Variants in CNKSR2 observed in about 807,000 individuals in gnomAD.
CNKSR2 encodes the protein connector enhancer of kinase suppressor of Ras 2, also known as CNK homolog protein 2.
In CNKSR2, 14 loss-of-function variants were observed where a neutral mutation model predicts 84.4. That is an observed-to-expected ratio of 0.17 (90% CI 0.11 to 0.26). The LOEUF is 0.26. Among genes scored for constraint, CNKSR2 ranks in the 10% least tolerant of loss-of-function variants. CNKSR2 has a pLI of 1.00. For synonymous variants in CNKSR2, 275 were observed against 277.9 expected (o/e 0.99, Z 0.10); for missense variants, 485 against 771.2 (o/e 0.63, Z 4.40).
intron 4 of CNKSR2, among the ~76,000 whole-genome samples, chrX:21,448,705 A>G (rs2090887080): frequency 9.0e-6 from 1 of 111,611 alleles, no homozygotes; most frequent in South Asian, 3.7e-4. Flanking sequence ...TCATAATATT[A>G]ATATTACTTT....
intron 1 of CNKSR2, among the ~76,000 whole-genome samples, chrX:21,396,305 G>C (rs1601732682): frequency 9.1e-6 from 1 of 109,396 alleles, no homozygotes; most frequent in African/African-American, 3.3e-5. Context: ...AATTGATATG[G>C]AGTATCTGAA....
intron 13 of CNKSR2, among the ~76,000 whole-genome samples, chrX:21,578,451 A>G (rs1426551292): frequency 9.1e-6 from 1 of 110,377 alleles, no homozygotes. Flanking sequence ...ATATATAGCT[A>G]TATAGGTCAG....
chrX:21,525,070 C>T (rs2147111327), intron 9 of CNKSR2, among the ~76,000 whole-genome samples: 1 of 111,134 alleles, frequency 9.0e-6, no homozygotes, highest in South Asian at 3.7e-4. Flanking sequence ...CCAAGATGTC[C>T]TGACAGAGAG....
At chrX:21,528,895 CT>C (rs2091859945) in intron 10 of CNKSR2, among the ~76,000 whole-genome samples, 3 of 111,076 alleles carry the variant, frequency 2.7e-5, no homozygotes, top group African/African-American at 9.8e-5. Flanking sequence ...ATATAAATGT[CT>C]GCATTTTCTG....
At chrX:21,555,404 TAAAGATCAG>T (rs2092131004) in intron 11 of CNKSR2, among the ~76,000 whole-genome samples, 1 of 111,921 alleles carries the variant, frequency 8.9e-6, no homozygotes, top group African/African-American at 3.2e-5. Flanking sequence ...AATATGCCTA[TAAAGATCAG>T]ATCGTTCATT....
chrX:21,617,894 GC>G (rs1346729795), intron 20 of CNKSR2, among the ~76,000 whole-genome samples: 71 of 82,629 alleles, frequency 8.6e-4, no homozygotes, highest in Middle Eastern at 6.8e-3. Context: ...CTCATACACT[GC>G]CCCCCCCACA....
At chrX:21,579,002 CAG>C (rs778483873) in intron 13 of CNKSR2, among the ~76,000 whole-genome samples, 3 of 111,834 alleles carry the variant, frequency 2.7e-5, no homozygotes, top group South Asian at 7.5e-4. Context: ...GTCCCATACT[CAG>C]GTGCTGAAGG....
At chrX:21,597,436 G>A (rs2092456570) in intron 17 of CNKSR2, among the ~76,000 whole-genome samples, 1 of 111,913 alleles carries the variant, frequency 8.9e-6, no homozygotes, top group Admixed American at 9.5e-5. Flanking sequence ...GCTGTTTTAT[G>A]TAAAGCCTGC....
At chrX:21,397,890 A>T (rs1210471680) in intron 1 of CNKSR2, among the ~76,000 whole-genome samples, 2 of 111,937 alleles carry the variant, frequency 1.8e-5, no homozygotes, top group African/African-American at 6.5e-5. Context: ...GTCAATTTAA[A>T]AAGTGCATTT....
At chrX:21,595,161 T>C in intron 16 of CNKSR2, 114 bp downstream of exon 16, 1 of 685,028 alleles carries the variant, frequency 1.5e-6, no homozygotes, top group Non-Finnish European at 2.2e-6. Context: ...AGAAAGCAGT[T>C]TTGTGGGCAG....
chrX:21,594,254 T>C (rs1272387896), intron 15 of CNKSR2: 1 of 111,156 alleles, frequency 9.0e-6, no homozygotes, highest in African/African-American at 3.3e-5. Context: ...CTCACTCATA[T>C]GTGAGAACTG....
At chrX:21,626,043 G>A (rs911614829) in intron 20 of CNKSR2, among the ~76,000 whole-genome samples, 1 of 111,283 alleles carries the variant, frequency 9.0e-6, no homozygotes, top group East Asian at 2.8e-4. Flanking sequence ...TTTAATGGGA[G>A]AGAAAAACAT....
chrX:21,618,875 A>G (rs984780261), intron 20 of CNKSR2, among the ~76,000 whole-genome samples: 1 of 112,107 alleles, frequency 8.9e-6, no homozygotes, highest in Non-Finnish European at 1.9e-5. Flanking sequence ...GTCTACTTAC[A>G]ACAGAAATGT....
intron 11 of CNKSR2, among the ~76,000 whole-genome samples, chrX:21,536,566 T>C (rs2091929770): frequency 9.0e-6 from 1 of 111,039 alleles, no homozygotes; most frequent in Non-Finnish European, 1.9e-5. Context: ...AGTGATCTGT[T>C]CAGTTTTTTT....
At position 21,563,395 on chromosome X, in the gene CNKSR2, G is replaced by C; in HGVS notation, c.1551G>C (p.Met517Ile). 1 of 1,210,489 alleles carries C rather than the reference G, an allele frequency of 8.3e-7. No individual in the cohort carries two copies. Among genetic ancestry groups the C allele is most frequent in the Non-Finnish European group, 1.1e-6 (1 of 894,616 alleles). The change falls in exon 13 of 22, where the codon ATG becomes ATC. Residue 517 changes from methionine to isoleucine, a missense_variant. Around this residue, in one of 5 missense-constraint regions of CNKSR2, gnomAD observed 132 missense variants for 166.7 expected, o/e 0.79. Coordinates refer to ENST00000379510, the MANE Select transcript of CNKSR2 (RefSeq NM_014927.5). The part of the protein sequence containing the change: ...THYSLLPSLQ[M>I]DALRQDIMGT... Reference sequence around the variant, plus strand: ...ATTCATTGCTACCTAGTTTACAAATGGATGCACTGAGACAAGACATCATGG... The same window carrying C: ...ATTCATTGCTACCTAGTTTACAAATCGATGCACTGAGACAAGACATCATGG...
intron 11 of CNKSR2, among the ~76,000 whole-genome samples, chrX:21,550,054 C>A (rs1412703195): frequency 5.4e-5 from 6 of 111,727 alleles, no homozygotes; most frequent in African/African-American, 2.0e-4. Context: ...GCAACAAAAG[C>A]CAAAATAGAC....
chrX:21,457,966 T>A (rs1377324451), intron 4 of CNKSR2, among the ~76,000 whole-genome samples: 1 of 112,253 alleles, frequency 8.9e-6, no homozygotes, highest in Non-Finnish European at 1.9e-5. Flanking sequence ...TATTGTAGAT[T>A]TCATAATAGA....
intron 6 of CNKSR2, chrX:21,492,615 GA>G (rs2091453544): frequency 9.0e-6 from 1 of 111,375 alleles, no homozygotes; most frequent in African/African-American, 3.3e-5. Flanking sequence ...TTAGGAGGAT[GA>G]CTTTAAAACT....
rs1201915812 is a variant in CNKSR2, at chrX:21,623,367, G to A, written c.2692+13750G>A. ...TTATAGAAATTGGGGTGATATTTGA[G>A]TATTTGTTTATTAGATTATCTTGCT... On this transcript the variant is annotated intron_variant, in intron 20 of 21. Coordinates refer to ENST00000379510, the MANE Select transcript of CNKSR2 (RefSeq NM_014927.5). Among the ~76,000 whole-genome samples, 11 of 111,491 alleles carry A rather than the reference G, an allele frequency of 9.9e-5. No homozygotes were observed. In the Admixed American group the frequency reaches 1.0e-3, roughly 11 times the overall value.
Sources: gnomAD v4.1 joint callset for allele counts (sites outside exome capture counted in the v4.1 genomes callset) on GRCh38, gnomAD v4.1.1 for gene constraint, gnomAD v4.1.1 regional missense constraint, MANE v1.5 for transcripts, NCBI Gene and HGNC (gene_info 2026-07-23, HGNC 2026-07-21) for gene names.